The following ERBB4 variants were observed in gnomAD, a reference collection of about 807,000 sequenced individuals.
ERBB4 encodes receptor tyrosine-protein kinase erbB-4.
In ERBB4, 42 loss-of-function variants were observed where a neutral mutation model predicts 158.0. That is an observed-to-expected ratio of 0.27 (90% CI 0.21 to 0.34). ERBB4 has a LOEUF of 0.34. ERBB4 is among the 10% of genes least tolerant of loss of function. The pLI is 1.00. For missense variants in ERBB4, 1,333 were observed against 1,624.1 expected, an observed-to-expected ratio of 0.82 and a Z score of 3.08; for synonymous variants, 583 against 558.7, an observed-to-expected ratio of 1.04 and a Z score of -0.61.
At chr2:212,440,994 G>T (rs898385421) in intron 1 of ERBB4, among the ~76,000 whole-genome samples, 1 of 152,144 alleles carries the variant, frequency 6.6e-6, no homozygotes, top group South Asian at 2.1e-4. Flanking sequence ...TCTAGAGAAA[G>T]AACTGAAATT....
At chr2:211,479,547 A>T (rs913430935) in intron 20 of ERBB4, among the ~76,000 whole-genome samples, 2 of 152,184 alleles carry the variant, frequency 1.3e-5, no homozygotes, top group Non-Finnish European at 2.9e-5. Context: ...ATGGTGTCTT[A>T]TGTACGAGAA....
chr2:212,424,327 A>G (rs927919745), intron 1 of ERBB4, among the ~76,000 whole-genome samples: 1 of 152,046 alleles, frequency 6.6e-6, no homozygotes. Context: ...CAATGGTAGG[A>G]CTTTCCCTGC....
intron 1 of ERBB4, among the ~76,000 whole-genome samples, chr2:212,380,352 G>A (rs923466018): frequency 3.3e-5 from 5 of 151,154 alleles, no homozygotes; most frequent in African/African-American, 1.2e-4. Flanking sequence ...ATGATTTAAA[G>A]TATATGGGAA....
At chr2:211,529,776 A>G in intron 20 of ERBB4, among the ~76,000 whole-genome samples, 1 of 152,276 alleles carries the variant, frequency 6.6e-6, no homozygotes, top group African/African-American at 2.4e-5. Context: ...AAGCTAAAAA[A>G]GTGTTTGATA....
At chr2:212,090,680 T>A (rs2078747982) in intron 2 of ERBB4, among the ~76,000 whole-genome samples, 1 of 152,162 alleles carries the variant, frequency 6.6e-6, no homozygotes. Context: ...GCACAGGCCA[T>A]ACTTCCAGAT....
chr2:212,427,856 A>G (rs1383757708), intron 1 of ERBB4, among the ~76,000 whole-genome samples: 1 of 152,138 alleles, frequency 6.6e-6, no homozygotes, highest in Non-Finnish European at 1.5e-5. Flanking sequence ...TGCTTAGTGA[A>G]ATGGGAACAA....
At chr2:211,942,231 A>G (rs1436941459) in intron 3 of ERBB4, among the ~76,000 whole-genome samples, 1 of 152,162 alleles carries the variant, frequency 6.6e-6, no homozygotes, top group Non-Finnish European at 1.5e-5. Context: ...TAAATTAATA[A>G]CTTATGCATA....
In ERBB4 at chr2:212,472,733, T is replaced by C. The variant is rs569192286; in HGVS notation, c.82+65716A>G. Reference sequence around the variant, plus strand: ...AGAAAAAATGTCATGTGTTTGCATGTTATAACAATGTCAAACTTATATAAA... The same window carrying C: ...AGAAAAAATGTCATGTGTTTGCATGCTATAACAATGTCAAACTTATATAAA... On this transcript the variant is annotated intron_variant, in intron 1 of 27. Coordinates refer to ENST00000342788, the MANE Select transcript of ERBB4 (RefSeq NM_005235.3). 9.9e-5 allele frequency among the ~76,000 whole-genome samples: 15 copies of C among 152,006 alleles called. No individual in the cohort carries two copies. In the East Asian group the frequency reaches 2.9e-3, roughly 29 times the overall value.
intron 2 of ERBB4, among the ~76,000 whole-genome samples, chr2:212,034,963 T>TTAA (rs2076980662): frequency 6.6e-6 from 1 of 152,198 alleles, no homozygotes; most frequent in Non-Finnish European, 1.5e-5. Flanking sequence ...TTAGGTTATG[T>TTAA]TAATTCCTTG....
chr2:212,500,886 T>C (rs1690850483), intron 1 of ERBB4, among the ~76,000 whole-genome samples: 1 of 152,182 alleles, frequency 6.6e-6, no homozygotes, highest in African/African-American at 2.4e-5. Flanking sequence ...ATTCTTGGAA[T>C]ACACCTGGCA....
At chr2:211,539,453 C>CT (rs752215406) in intron 20 of ERBB4, among the ~76,000 whole-genome samples, 9 of 151,970 alleles carry the variant, frequency 5.9e-5, no homozygotes, top group Non-Finnish European at 1.3e-4. Flanking sequence ...ACATCTGCGT[C>CT]TTTTTGTGCA....
chr2:211,983,183 A>C (rs921419388), intron 2 of ERBB4, among the ~76,000 whole-genome samples: 6 of 152,172 alleles, frequency 3.9e-5, no homozygotes, highest in African/African-American at 1.4e-4. Flanking sequence ...ACAAGTTAGA[A>C]AGCTGTATTA....
At chr2:212,231,620 T>C (rs1402764) in intron 1 of ERBB4, among the ~76,000 whole-genome samples, 59,238 of 152,072 alleles carry the variant, frequency 0.39, 13,501 homozygotes, top group East Asian at 0.76. Flanking sequence ...ATATTTTCCT[T>C]ATGTTTATTA....
intron 1 of ERBB4, among the ~76,000 whole-genome samples, chr2:212,219,247 A>C (rs940685512): frequency 1.3e-5 from 2 of 151,366 alleles, no homozygotes; most frequent in African/African-American, 4.8e-5. Context: ...TGTCCTCTAA[A>C]CATTATTGCA....
At chr2:211,876,729 C>T (rs529064866) in intron 3 of ERBB4, among the ~76,000 whole-genome samples, 2 of 152,060 alleles carry the variant, frequency 1.3e-5, no homozygotes, top group South Asian at 2.1e-4. Flanking sequence ...CTGCAGGCAA[C>T]GGGAATACTT....
intron 2 of ERBB4, among the ~76,000 whole-genome samples, chr2:212,104,845 C>A (rs1431388313): frequency 1.3e-5 from 2 of 152,096 alleles, no homozygotes; most frequent in Admixed American, 6.5e-5. Flanking sequence ...GTTTGAATTT[C>A]TATTATATGT....
rs1314228779 is a variant in ERBB4 at position 212,055,619 on chromosome 2, G to A, written c.234+69133C>T. ...ATCAGGCAGCAACGTTTGCTGTTCA[G>A]CAATATTTGCTGTTCTGCAGCCACC... On this transcript the variant is annotated intron_variant, in intron 2 of 27. Coordinates refer to ENST00000342788, the MANE Select transcript of ERBB4 (RefSeq NM_005235.3). 2.0e-5 allele frequency among the ~76,000 whole-genome samples: 3 copies of A among 152,244 alleles called. No homozygotes were observed. The East Asian group carries it at 5.8e-4, about 29-fold the overall frequency.
chr2:212,127,662 C>T (rs868474883), intron 1 of ERBB4, among the ~76,000 whole-genome samples: 2 of 152,098 alleles, frequency 1.3e-5, no homozygotes, highest in South Asian at 2.1e-4. Flanking sequence ...ATTTTACGTG[C>T]AACCCAAGAC....
chr2:211,651,751 T>A (rs542491572), intron 16 of ERBB4, among the ~76,000 whole-genome samples: 1 of 151,668 alleles, frequency 6.6e-6, no homozygotes, highest in Non-Finnish European at 1.5e-5. Flanking sequence ...TGGCTAAGAG[T>A]CAGCAATAAC....
Sources: gnomAD v4.1 joint callset for allele counts (sites outside exome capture counted in the v4.1 genomes callset) on GRCh38, gnomAD v4.1.1 for gene constraint, MANE v1.5 for transcripts, NCBI Gene and HGNC (gene_info 2026-07-23, HGNC 2026-07-21) for gene names.